Variants in MYO3B observed in about 807,000 individuals in gnomAD.
The protein encoded by MYO3B is myosin IIIB.
MYO3B carries 156 observed loss-of-function variants against 174.6 expected under a neutral mutation model. The ratio of observed to expected loss-of-function variants is 0.89; its 90% CI spans 0.78 to 1.02. MYO3B has a LOEUF of 1.02. Among genes scored for constraint, MYO3B ranks in the 50% least tolerant of loss-of-function variants. The probability of loss-of-function intolerance (pLI) is 0.00; values close to 1 mark genes in which losing one functional copy is unlikely to be tolerated. For missense variants in MYO3B, 1,632 were observed against 1,639.4 expected (o/e 1.00, Z 0.08); for synonymous variants, 563 against 569.1 (o/e 0.99, Z 0.15).
At chr2:170,544,616 T>C (rs1273726101) in intron 32 of MYO3B, among the ~76,000 whole-genome samples, 1 of 152,240 alleles carries the variant, frequency 6.6e-6, no homozygotes, top group East Asian at 1.9e-4. Context: ...ACACTTAATG[T>C]CAACCTCATC....
chr2:170,326,427 A>G (rs1389765483), intron 7 of MYO3B, among the ~76,000 whole-genome samples: 1 of 152,244 alleles, frequency 6.6e-6, no homozygotes, highest in African/African-American at 2.4e-5. Context: ...GTCGTTAGCC[A>G]GTCCTGGGGC....
chr2:170,315,404 C>T (rs1325646487), intron 7 of MYO3B, among the ~76,000 whole-genome samples: 1 of 151,766 alleles, frequency 6.6e-6, no homozygotes, highest in Non-Finnish European at 1.5e-5. Flanking sequence ...CCTCCAGGTT[C>T]AAGTGATTCT....
At chr2:170,629,021 C>T (rs370795055) in intron 32 of MYO3B, among the ~76,000 whole-genome samples, 8 of 152,256 alleles carry the variant, frequency 5.3e-5, no homozygotes, top group African/African-American at 9.6e-5. Flanking sequence ...TGAGCCCAAC[C>T]GAAGAACGTT....
At chr2:170,624,022 G>T (rs1057453677) in intron 32 of MYO3B, among the ~76,000 whole-genome samples, 1 of 152,164 alleles carries the variant, frequency 6.6e-6, no homozygotes, top group African/African-American at 2.4e-5. Flanking sequence ...CTCCAGCTTT[G>T]TTCTTTTGGC....
intron 25 of MYO3B, among the ~76,000 whole-genome samples, chr2:170,476,227 A>C (rs1225639250): frequency 1.3e-5 from 2 of 152,184 alleles, no homozygotes; most frequent in African/African-American, 2.4e-5. Flanking sequence ...AGTAGTGTCT[A>C]GGAGTGGGGT....
intron 5 of MYO3B, 71 bp downstream of exon 5, chr2:170,214,899 C>A: frequency 8.5e-7 from 1 of 1,174,666 alleles, no homozygotes; most frequent in Non-Finnish European, 1.3e-6. Context: ...ATTGCAATCT[C>A]AGAAGACTGG....
In MYO3B at chr2:170,284,469, G is replaced by C. The variant is rs186380028; in HGVS notation, c.749+48333G>C. Among the ~76,000 whole-genome samples the C allele has an allele frequency of 1.8e-3, 274 of 152,270 alleles. 2 individuals carry two copies. Among genetic ancestry groups the C allele is most frequent in the African/African-American group, 5.7e-3 (238 of 41,562 alleles). ...ATCCAGCAGGGGTGCAGAGAGGGGA[G>C]AGGCAGGCAGAGTGAGGACTCTGGA... On this transcript the variant is annotated intron_variant, in intron 7 of 34. Transcript: ENST00000408978.
At chr2:170,609,232 T>C (rs73976203) in intron 32 of MYO3B, among the ~76,000 whole-genome samples, 1 of 152,166 alleles carries the variant, frequency 6.6e-6, no homozygotes, top group Non-Finnish European at 1.5e-5. Context: ...ACTGGCATAC[T>C]TAGCTTGTTT....
rs541944931 is a variant in MYO3B at position 170,406,733 on chromosome 2, A to T, written c.2521-982A>T. Among the ~76,000 whole-genome samples, 110 of 151,654 alleles carry T rather than the reference A, an allele frequency of 7.3e-4. No homozygotes were observed. The South Asian group carries it at 0.023, about 31-fold the overall frequency. ...TGATTTTAGGGGAAAAACTTTTTTT[A>T]TTTTTATTTTTTCTGGCCTCTGTGT... On this transcript the variant is annotated intron_variant, in intron 21 of 34. Coordinates refer to ENST00000408978, the MANE Select transcript of MYO3B (RefSeq NM_138995.5).
At chr2:170,548,945 TCTC>T (rs1267605306) in intron 32 of MYO3B, among the ~76,000 whole-genome samples, 2 of 152,216 alleles carry the variant, frequency 1.3e-5, no homozygotes, top group Non-Finnish European at 2.9e-5. Context: ...ATACTTTTCT[TCTC>T]CTTCTTCCTT....
At chr2:170,399,538 A>G (rs1050983223) in intron 16 of MYO3B, among the ~76,000 whole-genome samples, 5 of 151,858 alleles carry the variant, frequency 3.3e-5, no homozygotes, top group African/African-American at 1.2e-4. Flanking sequence ...TTAATATACA[A>G]TTATCACAGA....
intron 7 of MYO3B, among the ~76,000 whole-genome samples, chr2:170,267,984 G>GAT (rs892423825): frequency 2.0e-5 from 3 of 152,094 alleles, no homozygotes; most frequent in African/African-American, 7.2e-5. Flanking sequence ...GAGGCGGGTG[G>GAT]ATTACCTGAG....
chr2:170,499,335 G>A (rs911205143), intron 26 of MYO3B, among the ~76,000 whole-genome samples: 1 of 152,156 alleles, frequency 6.6e-6, no homozygotes, highest in Non-Finnish European at 1.5e-5. Flanking sequence ...AGGCTATGGG[G>A]AAAGAGAGTA....
chr2:170,550,095 T>C (rs971120206), intron 32 of MYO3B, among the ~76,000 whole-genome samples: 2 of 152,152 alleles, frequency 1.3e-5, no homozygotes, highest in South Asian at 4.1e-4. Context: ...CATTTATGGG[T>C]AGTCTCTGAG....
intron 7 of MYO3B, among the ~76,000 whole-genome samples, chr2:170,320,895 TGAA>T (rs999706901): frequency 2.6e-5 from 4 of 151,910 alleles, no homozygotes; most frequent in Non-Finnish European, 5.9e-5. Flanking sequence ...AAATGGAAAT[TGAA>T]GAATACATAG....
At chr2:170,371,283 C>T (rs996558846) in intron 9 of MYO3B, among the ~76,000 whole-genome samples, 23 of 151,084 alleles carry the variant, frequency 1.5e-4, no homozygotes, top group Non-Finnish European at 2.8e-4. Flanking sequence ...GTAACACCAG[C>T]CTCTCTCATC....
intron 25 of MYO3B, among the ~76,000 whole-genome samples, chr2:170,489,494 C>G (rs543503047): frequency 2.5e-4 from 38 of 152,274 alleles, no homozygotes; most frequent in Admixed American, 1.8e-3. Flanking sequence ...CTAAAAACAA[C>G]CTTCTACCAT....
rs1380449038 is a variant in MYO3B at position 170,401,613 on chromosome 2, C to T, written c.2051C>T (p.Ser684Phe). The part of the protein sequence containing the change: ...DRAADVRDAM[S>F]KALYGRLFSW... ...GCTGCGGACGTTCGAGACGCCATGTCCAAAGCCCTGTATGGGAGGCTCTTC... is the reference window on the plus strand; with the variant it reads ...GCTGCGGACGTTCGAGACGCCATGTTCAAAGCCCTGTATGGGAGGCTCTTC... Residue 684 changes from serine to phenylalanine, a missense_variant, in exon 18 of 35, where the codon TCC (serine) becomes TTC (phenylalanine). Ser to Phe is a radical substitution (Grantham distance 155). Coordinates refer to ENST00000408978, the MANE Select transcript of MYO3B (RefSeq NM_138995.5). 1.9e-6 allele frequency: 3 copies of T among 1,613,962 alleles called. No homozygotes were observed. The highest frequency in any genetic ancestry group is 2.5e-6 in the Non-Finnish European group (3 of 1,180,016).
intron 32 of MYO3B, among the ~76,000 whole-genome samples, chr2:170,629,479 A>G (rs1376354543): frequency 6.6e-6 from 1 of 152,258 alleles, no homozygotes; most frequent in Non-Finnish European, 1.5e-5. Flanking sequence ...ATCTAAAAAC[A>G]AATATACCCT....
Sources: allele counts gnomAD v4.1 joint callset (sites outside exome capture counted in the v4.1 genomes callset), GRCh38; gene constraint gnomAD v4.1.1; transcripts MANE v1.5; gene names NCBI Gene and HGNC (gene_info 2026-07-23, HGNC 2026-07-21).